JAZF1: variants seen among roughly 807,000 people sequenced by gnomAD.
JAZF1 encodes JAZF zinc finger 1.
JAZF1 carries 8 observed loss-of-function variants against 26.4 expected under a neutral mutation model. The ratio of observed to expected loss-of-function variants is 0.30; its 90% CI spans 0.18 to 0.55. The LOEUF (loss-of-function observed/expected upper bound fraction) is 0.55, where lower values mean the gene tolerates loss of function less well. Among genes scored for constraint, JAZF1 ranks in the 20% least tolerant of loss-of-function variants. The pLI, the probability that JAZF1 is intolerant of heterozygous loss-of-function variation, is 0.94. For missense variants in JAZF1, 199 were observed against 322.0 expected (o/e 0.62, Z 2.92); for synonymous variants, 126 against 122.3 (o/e 1.03, Z -0.20).
chr7:27,950,444 C>T (rs1562538142), intron 2 of JAZF1, among the ~76,000 whole-genome samples: 1 of 152,118 alleles, frequency 6.6e-6, no homozygotes. Context: ...ATCCAGTAGC[C>T]CTATCTAGTT....
At chr7:27,846,460 A>G (rs1188618334) in intron 3 of JAZF1, 2 of 470,628 alleles carry the variant, frequency 4.2e-6, no homozygotes, top group Admixed American at 4.7e-5. Flanking sequence ...CCACCGATGG[A>G]CAAGTTGGTT....
At chr7:27,837,703 T>C (rs560837638) in intron 4 of JAZF1, among the ~76,000 whole-genome samples, 1 of 152,028 alleles carries the variant, frequency 6.6e-6, no homozygotes, top group Admixed American at 6.6e-5. Flanking sequence ...AAATGAGAGA[T>C]ACTGAGGGAG....
chr7:28,031,827 C>T (rs754680477), intron 1 of JAZF1, among the ~76,000 whole-genome samples: 5 of 152,026 alleles, frequency 3.3e-5, no homozygotes, highest in South Asian at 2.1e-4. Flanking sequence ...AACCACCATG[C>T]GACATGTTCA....
At chr7:27,833,585 T>C (rs564408392) in intron 4 of JAZF1, among the ~76,000 whole-genome samples, 1 of 152,320 alleles carries the variant, frequency 6.6e-6, no homozygotes, top group Admixed American at 6.5e-5. Flanking sequence ...CGCCGTACAG[T>C]TGTACATGTT....
At chr7:27,945,184 G>A (rs1784908097) in intron 2 of JAZF1, among the ~76,000 whole-genome samples, 1 of 152,070 alleles carries the variant, frequency 6.6e-6, no homozygotes, top group Non-Finnish European at 1.5e-5. Flanking sequence ...GCACACCGCT[G>A]TTGGACACAC....
intron 2 of JAZF1, among the ~76,000 whole-genome samples, chr7:27,924,085 T>C (rs1784574469): frequency 6.6e-6 from 1 of 152,138 alleles, no homozygotes; most frequent in Admixed American, 6.5e-5. Flanking sequence ...GGCAGCTGTA[T>C]CACAATCTTT....
chr7:27,912,695 C>T (rs931493750), intron 2 of JAZF1, among the ~76,000 whole-genome samples: 4 of 152,076 alleles, frequency 2.6e-5, no homozygotes, highest in Admixed American at 1.3e-4. Flanking sequence ...CTTTTTCCCC[C>T]CTATATAATT....
intron 2 of JAZF1, among the ~76,000 whole-genome samples, chr7:27,934,567 C>A (rs949631092): frequency 1.3e-5 from 2 of 152,032 alleles, no homozygotes; most frequent in African/African-American, 4.8e-5. Flanking sequence ...GATGGTACAC[C>A]TTGGCGGTAG....
chr7:28,012,562 C>T (rs1055861889), intron 1 of JAZF1, among the ~76,000 whole-genome samples: 2 of 152,214 alleles, frequency 1.3e-5, no homozygotes, highest in African/African-American at 4.8e-5. Context: ...GGCTGCACCC[C>T]TGGGCTGCCT....
At chr7:28,132,264 T>A (rs1782807314) in intron 1 of JAZF1, among the ~76,000 whole-genome samples, 1 of 152,198 alleles carries the variant, frequency 6.6e-6, no homozygotes, top group African/African-American at 2.4e-5. Context: ...AGAACGAGGA[T>A]CAGCAAGGCT....
intron 1 of JAZF1, among the ~76,000 whole-genome samples, chr7:28,015,160 A>C (rs912027418): frequency 2.0e-5 from 3 of 152,138 alleles, no homozygotes; most frequent in African/African-American, 4.8e-5. Context: ...AGAGCTTCAG[A>C]GTCCTCGAAG....
In JAZF1 at chr7:28,126,441, G is replaced by T. The variant is rs112827952; in HGVS notation, c.115+54022C>A. 2.4e-4 allele frequency among the ~76,000 whole-genome samples: 37 copies of T among 151,510 alleles called. 1 individual carries two copies. The highest frequency in any genetic ancestry group is 8.7e-4 in the African/African-American group (36 of 41,266). ...GGAGAGGGGGATGGGCATGGCTGGGGGACCACTTTGGATAAGGTCTTTTGG... is the reference window on the plus strand; with the variant it reads ...GGAGAGGGGGATGGGCATGGCTGGGTGACCACTTTGGATAAGGTCTTTTGG... On this transcript the variant is annotated intron_variant, in intron 1 of 4. Transcript: ENST00000283928.
intron 2 of JAZF1, among the ~76,000 whole-genome samples, chr7:27,926,150 T>C (rs1042125236): frequency 7.9e-5 from 12 of 152,206 alleles, no homozygotes; most frequent in African/African-American, 2.9e-4. Flanking sequence ...GAGTATATGA[T>C]GAGTTAGAAA....
At chr7:27,967,269 G>A (rs1785293453) in intron 2 of JAZF1, among the ~76,000 whole-genome samples, 1 of 152,028 alleles carries the variant, frequency 6.6e-6, no homozygotes, top group Non-Finnish European at 1.5e-5. Flanking sequence ...AGTAGATGCT[G>A]CAGGACCCCC....
intron 1 of JAZF1, among the ~76,000 whole-genome samples, chr7:28,137,964 C>T (rs1782909980): frequency 1.3e-5 from 2 of 152,096 alleles, no homozygotes; most frequent in Non-Finnish European, 2.9e-5. Flanking sequence ...GTGCCTTGCC[C>T]CAAGTCACAC....
intron 1 of JAZF1, among the ~76,000 whole-genome samples, chr7:28,109,235 C>G (rs1784601239): frequency 6.6e-6 from 1 of 152,192 alleles, no homozygotes; most frequent in African/African-American, 2.4e-5. Context: ...ACAAAGATAA[C>G]TATGTGAGGT....
At position 27,987,243 on chromosome 7, in the gene JAZF1, T is replaced by C. The variant is rs556155938; in HGVS notation, c.188+4666A>G. ...CTGCCTGGCCGCCCATCGTCTGAGA[T>C]GTGGGGAGCGCCTCTGCCCCGACGC... On this transcript the variant is annotated intron_variant, in intron 2 of 4. Transcript: ENST00000283928. Among the ~76,000 whole-genome samples, 6 of 150,722 alleles carry C rather than the reference T, an allele frequency of 4.0e-5. No homozygotes were observed. In the South Asian group the frequency reaches 6.3e-4, roughly 16 times the overall value.
At chr7:27,928,434 G>A (rs1583467046) in intron 2 of JAZF1, among the ~76,000 whole-genome samples, 1 of 152,168 alleles carries the variant, frequency 6.6e-6, no homozygotes, top group Admixed American at 6.5e-5. Flanking sequence ...GGCCTTTTAC[G>A]ACTGGGATGT....
chr7:28,021,125 C>T (rs964098333), intron 1 of JAZF1, among the ~76,000 whole-genome samples: 2 of 152,036 alleles, frequency 1.3e-5, no homozygotes, highest in Non-Finnish European at 2.9e-5. Context: ...TGGGCAGGAC[C>T]CCATCACGGT....
Sources: allele counts gnomAD v4.1 joint callset (sites outside exome capture counted in the v4.1 genomes callset), GRCh38; gene constraint gnomAD v4.1.1; transcripts MANE v1.5; gene names NCBI Gene and HGNC (gene_info 2026-07-23, HGNC 2026-07-21).